FAM83B: variants seen among roughly 807,000 people sequenced by gnomAD.
The protein encoded by FAM83B is protein FAM83B.
Under a neutral mutation model 38.8 loss-of-function variants are expected in FAM83B, and 26 were observed. That is an observed-to-expected ratio of 0.67 (90% CI 0.49 to 0.93). The LOEUF is 0.93. FAM83B is among the 40% of genes least tolerant of loss of function. The pLI is 0.00. For missense variants in FAM83B, 1,237 were observed against 1,197.3 expected (o/e 1.03, Z -0.49); for synonymous variants, 419 against 423.1 (o/e 0.99, Z 0.12).
chr6:54,858,062 G>A (rs1227366077), intron 1 of FAM83B, among the ~76,000 whole-genome samples: 1 of 152,182 alleles, frequency 6.6e-6, no homozygotes, highest in Non-Finnish European at 1.5e-5. Context: ...GTGAAGTCTG[G>A]ATGTTTGCAA....
chr6:54,942,068 CT>C lies in FAM83B; in HGVS notation c.*64del. 6.8e-7 allele frequency: 1 copy of C among 1,479,532 alleles called. No homozygotes were observed. The highest frequency in any genetic ancestry group is 9.1e-7 in the Non-Finnish European group (1 of 1,098,714). 91.7% of individuals were successfully genotyped at this position (1,479,532 alleles called of 1,614,324 possible). On this transcript the variant is annotated 3_prime_UTR_variant, in exon 5 of 5. Transcript: ENST00000306858. Reference sequence around the variant, plus strand: ...TTGTCCAAAGAAAATTGTGGACAGTCTTTGTAACATGCCAATAGATTTTCCT... The same window carrying C: ...TTGTCCAAAGAAAATTGTGGACAGTCTTGTAACATGCCAATAGATTTTCCT...
At chr6:54,911,278 T>G (rs1486893205) in intron 2 of FAM83B, among the ~76,000 whole-genome samples, 1 of 151,796 alleles carries the variant, frequency 6.6e-6, no homozygotes, top group Non-Finnish European at 1.5e-5. Context: ...GCCCCTAAAC[T>G]TTACTTAGGA....
chr6:54,905,791 A>G (rs1772764643), intron 2 of FAM83B, among the ~76,000 whole-genome samples: 1 of 141,940 alleles, frequency 7.0e-6, no homozygotes, highest in East Asian at 3.0e-4. Flanking sequence ...CCATAGGATC[A>G]TAATCTTTTA....
chr6:54,909,557 T>C (rs112523987), intron 2 of FAM83B, among the ~76,000 whole-genome samples: 4 of 152,294 alleles, frequency 2.6e-5, no homozygotes, highest in African/African-American at 9.6e-5. Context: ...GCATGTTTAG[T>C]ATTTGAAAAT....
intron 2 of FAM83B, among the ~76,000 whole-genome samples, chr6:54,918,222 A>T (rs1282758768): frequency 6.6e-6 from 1 of 152,178 alleles, no homozygotes; most frequent in Admixed American, 6.5e-5. Context: ...TCTATTATTA[A>T]TTTCAAATCT....
chr6:54,929,346 A>G (rs1158904212), intron 4 of FAM83B, among the ~76,000 whole-genome samples: 1 of 152,044 alleles, frequency 6.6e-6, no homozygotes, highest in Admixed American at 6.6e-5. Context: ...TTCTTCTTTA[A>G]TTCAGTATTC....
At chr6:54,895,772 G>T (rs572725870) in intron 2 of FAM83B, among the ~76,000 whole-genome samples, 1 of 151,864 alleles carries the variant, frequency 6.6e-6, no homozygotes, top group Non-Finnish European at 1.5e-5. Context: ...ATGGCGTCTC[G>T]CTCTGTTACC....
At chr6:54,929,386 C>T (rs1182440164) in intron 4 of FAM83B, among the ~76,000 whole-genome samples, 1 of 152,076 alleles carries the variant, frequency 6.6e-6, no homozygotes, top group East Asian at 1.9e-4. Flanking sequence ...GGATTCTAAA[C>T]TCCTACCATT....
At chr6:54,936,670 C>CA (rs1773530702) in intron 4 of FAM83B, among the ~76,000 whole-genome samples, 1 of 150,972 alleles carries the variant, frequency 6.6e-6, no homozygotes, top group Non-Finnish European at 1.5e-5. Flanking sequence ...ACCCTTATTG[C>CA]ATTCTTCCCT....
intron 2 of FAM83B, among the ~76,000 whole-genome samples, chr6:54,890,111 AATTGT>A (rs944659279): frequency 6.6e-6 from 1 of 152,128 alleles, no homozygotes; most frequent in Non-Finnish European, 1.5e-5. Context: ...TCTAGAAAAT[AATTGT>A]ATTGTAGAAC....
intron 2 of FAM83B, among the ~76,000 whole-genome samples, chr6:54,911,302 GA>G (rs796439261): frequency 2.6e-4 from 35 of 136,102 alleles, no homozygotes; most frequent in South Asian, 7.0e-4. Flanking sequence ...TTGAGTTAAA[GA>G]AAAAAAAAAA....
At chr6:54,859,908 G>A (rs550592634) in intron 1 of FAM83B, among the ~76,000 whole-genome samples, 9 of 152,172 alleles carry the variant, frequency 5.9e-5, no homozygotes, top group African/African-American at 2.2e-4. Context: ...AACTGTTGAG[G>A]TACTTCTTTT....
Position 54,942,833 on chromosome 6 carries a change from A to C in FAM83B, c.*826A>C, listed in dbSNP as rs901262399. Among the ~76,000 whole-genome samples, 3 of 151,952 alleles carry C rather than the reference A, an allele frequency of 2.0e-5. No individual in the cohort carries two copies. Among genetic ancestry groups the C allele is most frequent in the Non-Finnish European group, 4.4e-5 (3 of 68,000 alleles). ...ATTGTATAAAAGCTTTTAGAAATGT[A>C]AATTTCTGCCTAAATTTTTGTTAGA... On this transcript the variant is annotated 3_prime_UTR_variant, in exon 5 of 5. Transcript: ENST00000306858.
At position 54,862,398 on chromosome 6, in the gene FAM83B, CAGTGAGGGA is replaced by C. The variant is rs565223069; in HGVS notation, c.-60-7785_-60-7777del. ...AGTGATCCAAGGCACACCCTAAAAA[CAGTGAGGGA>C]AGTAACCCTTGCTGAGGAAGCTAGG... On this transcript the variant is annotated intron_variant, in intron 1 of 4. Coordinates refer to ENST00000306858, the MANE Select transcript of FAM83B (RefSeq NM_001010872.3). 1.8e-4 allele frequency among the ~76,000 whole-genome samples: 27 copies of C among 152,278 alleles called. No individual in the cohort carries two copies. The South Asian group carries it at 5.2e-3, about 29-fold the overall frequency.
At chr6:54,876,096 T>C (rs1771986552) in intron 2 of FAM83B, among the ~76,000 whole-genome samples, 1 of 152,024 alleles carries the variant, frequency 6.6e-6, no homozygotes, top group Admixed American at 6.6e-5. Context: ...CAGTGACTTG[T>C]ATTTTTAAGA....
chr6:54,923,906 A>G (rs1773226083), intron 2 of FAM83B, among the ~76,000 whole-genome samples: 1 of 144,232 alleles, frequency 6.9e-6, no homozygotes, highest in African/African-American at 2.6e-5. Flanking sequence ...TCTATACCTT[A>G]TTGCCTACTA....
chr6:54,867,334 T>C (rs1444543398), intron 1 of FAM83B, among the ~76,000 whole-genome samples: 1 of 152,002 alleles, frequency 6.6e-6, no homozygotes, highest in African/African-American at 2.4e-5. Context: ...CAAGTGCCAT[T>C]ACCCTGTAGT....
In FAM83B at chr6:54,940,728, A is replaced by G; in HGVS notation, c.1757A>G (p.Asn586Ser). ...TPKEVPDTPT[N>S]VQHLTDKPLP... The stretch of plus-strand genomic sequence containing the variant: ...AAAGAGGTCCCAGACACCCCTACGA[A>G]TGTACAGCATTTGACAGACAAACCC... Residue 586 changes from asparagine (N) to serine (S), a missense_variant, in exon 5 of 5, where the codon AAT becomes AGT. Transcript: ENST00000306858. 6.2e-7 allele frequency: 1 copy of G among 1,614,010 alleles called. No homozygotes were observed. Among genetic ancestry groups the G allele is most frequent in the South Asian group, 1.1e-5 (1 of 91,080 alleles).
intron 2 of FAM83B, among the ~76,000 whole-genome samples, chr6:54,886,040 CATGTCAT>C (rs1772267656): frequency 6.6e-6 from 1 of 151,926 alleles, no homozygotes; most frequent in Non-Finnish European, 1.5e-5. Context: ...ATCATTTTAT[CATGTCAT>C]ATGATTTTTC....
Sources: allele counts gnomAD v4.1 joint callset (sites outside exome capture counted in the v4.1 genomes callset), GRCh38; gene constraint gnomAD v4.1.1; transcripts MANE v1.5; gene names NCBI Gene and HGNC (gene_info 2026-07-23, HGNC 2026-07-21).